The following FNBP1 variants were observed in gnomAD, a reference collection of about 807,000 sequenced individuals.
FNBP1 encodes formin binding protein 1.
FNBP1 carries 26 observed loss-of-function variants against 90.6 expected under a neutral mutation model. The observed-to-expected ratio is 0.29, with a 90% CI of 0.21 to 0.40. The LOEUF is 0.40. Ranked by LOEUF, FNBP1 falls within the 10% of genes least tolerant of loss-of-function variation. The probability of loss-of-function intolerance (pLI) is 1.00; values close to 1 mark genes in which losing one functional copy is unlikely to be tolerated. For synonymous variants in FNBP1, 260 were observed against 265.2 expected (o/e 0.98, Z 0.19); for missense variants, 635 against 768.0 (o/e 0.83, Z 2.05).
intron 1 of FNBP1, among the ~76,000 whole-genome samples, chr9:130,038,522 G>A (rs1194729997): frequency 6.8e-6 from 1 of 147,624 alleles, no homozygotes; most frequent in Non-Finnish European, 1.5e-5. Context: ...TCAGCCTCCC[G>A]AGTAGCTGGG....
intron 16 of FNBP1, among the ~76,000 whole-genome samples, chr9:129,892,140 A>G (rs1206630317): frequency 6.6e-6 from 1 of 152,192 alleles, no homozygotes; most frequent in Non-Finnish European, 1.5e-5. Context: ...GAGAACCCAT[A>G]AAACAAACAG....
At chr9:130,018,526 C>G (rs2131849965) in intron 1 of FNBP1, among the ~76,000 whole-genome samples, 1 of 152,026 alleles carries the variant, frequency 6.6e-6, no homozygotes, top group East Asian at 1.9e-4. Flanking sequence ...ACCAATAGTG[C>G]TGTAAATTTT....
At chr9:130,004,484 C>G (rs2055359880) in intron 1 of FNBP1, among the ~76,000 whole-genome samples, 3 of 152,136 alleles carry the variant, frequency 2.0e-5, no homozygotes, top group South Asian at 4.1e-4. Flanking sequence ...CTACTTTGGT[C>G]TGTGCTATCT....
intron 11 of FNBP1, among the ~76,000 whole-genome samples, chr9:129,915,317 T>G (rs1318393914): frequency 6.6e-6 from 1 of 152,136 alleles, no homozygotes; most frequent in Non-Finnish European, 1.5e-5. Flanking sequence ...TAATTTACTT[T>G]TATTCAAAAT....
chr9:130,019,236 G>A (rs1458580028), intron 1 of FNBP1, among the ~76,000 whole-genome samples: 2 of 151,408 alleles, frequency 1.3e-5, no homozygotes, highest in Non-Finnish European at 2.9e-5. Context: ...AGGAGACGGA[G>A]GTTGCAGTGA....
intron 6 of FNBP1, chr9:129,933,608 C>T (rs1223087850): frequency 2.0e-5 from 3 of 152,136 alleles, no homozygotes; most frequent in African/African-American, 7.2e-5. Context: ...AGAAAGTAAG[C>T]TGTGTAGAAG....
chr9:129,897,797 G>A (rs2036055321), intron 15 of FNBP1, among the ~76,000 whole-genome samples: 1 of 151,798 alleles, frequency 6.6e-6, no homozygotes, highest in African/African-American at 2.4e-5. Flanking sequence ...TCGTTTCAAG[G>A]TTCATTGGTT....
chr9:129,957,102 A>G lies in FNBP1; in HGVS notation c.513+258T>C, dbSNP rs1341252312. ...ACCCAGGCTGGAGTGCAGTGGCGTG[A>G]TCTTGGCTCACTGCAGCCAACGCCT... On this transcript the variant is annotated intron_variant, in intron 6 of 16. Transcript: ENST00000446176. The surrounding 1 kb of genome is among the most constrained non-coding windows in gnomAD (Gnocchi z 4.3). Among the ~76,000 whole-genome samples the G allele has an allele frequency of 6.7e-6, 1 of 148,934 alleles. No individual in the cohort carries two copies.
chr9:129,912,121 T>C (rs2131606061), intron 11 of FNBP1, among the ~76,000 whole-genome samples: 1 of 152,218 alleles, frequency 6.6e-6, no homozygotes, highest in Admixed American at 6.6e-5. Flanking sequence ...CCTTCAGGAC[T>C]GAGCCCTCAA....
At chr9:129,979,707 T>G (rs554545004) in intron 2 of FNBP1, among the ~76,000 whole-genome samples, 171 of 152,240 alleles carry the variant, frequency 1.1e-3, no homozygotes, top group African/African-American at 4.0e-3. Context: ...TAGCGTGATC[T>G]CAGCTCATTG....
At position 129,916,000 on chromosome 9, in the gene FNBP1, A is replaced by C; in HGVS notation, c.1171-20T>G. On this transcript the variant is annotated intron_variant, in intron 10 of 16. Coordinates refer to ENST00000446176, the MANE Select transcript of FNBP1 (RefSeq NM_015033.3). ...AGAAAGCTTCATGTAAAAATTGGAG[A>C]GGTATGGGAAAAATAGAGAGAAAGA... The C allele has an allele frequency of 1.3e-6, 2 of 1,585,152 alleles. No individual in the cohort carries two copies. Among genetic ancestry groups the C allele is most frequent in the Non-Finnish European group, 1.7e-6 (2 of 1,155,006 alleles).
chr9:129,890,097 C>T lies in FNBP1; in HGVS notation c.*442G>A, dbSNP rs1009605050. 1.1e-5 allele frequency: 3 copies of T among 282,776 alleles called. No homozygotes were observed. Among genetic ancestry groups the T allele is most frequent in the South Asian group, 1.8e-4 (2 of 10,968 alleles). The allele number at this position is 282,776 out of a possible 1,614,324, so 17.5% of individuals were successfully genotyped here. On this transcript the variant is annotated 3_prime_UTR_variant, in exon 17 of 17. Coordinates refer to ENST00000446176, the MANE Select transcript of FNBP1 (RefSeq NM_015033.3). The surrounding 1 kb of genome is among the most constrained non-coding windows in gnomAD (Gnocchi z 5.8). Reference sequence around the variant, plus strand: ...CGGATGACATCGACACGGATGACATCGAGTGCTCAGTCCGCCTGATGTGCG... The same window carrying T: ...CGGATGACATCGACACGGATGACATTGAGTGCTCAGTCCGCCTGATGTGCG...
chr9:129,896,443 G>A (rs558138587), intron 15 of FNBP1, among the ~76,000 whole-genome samples: 4 of 151,980 alleles, frequency 2.6e-5, no homozygotes, highest in South Asian at 2.1e-4. Flanking sequence ...GAGTGCTGTG[G>A]TGCAATCTCA....
intron 10 of FNBP1, 150 bp downstream of exon 10, chr9:129,923,694 T>C (rs1306133668): frequency 4.5e-6 from 4 of 884,816 alleles, no homozygotes; most frequent in Non-Finnish European, 6.2e-6. Context: ...CTTTTCTTTC[T>C]AGCTATAATG....
chr9:130,016,644 G>C (rs892902462), intron 1 of FNBP1, among the ~76,000 whole-genome samples: 2 of 152,190 alleles, frequency 1.3e-5, no homozygotes, highest in African/African-American at 2.4e-5. Context: ...TCAGGAGGCT[G>C]AGGCAGGAGA....
Position 129,957,241 on chromosome 9 carries a change from T to G in FNBP1, c.513+119A>C, listed in dbSNP as rs2047092036. On this transcript the variant is annotated intron_variant, in intron 6 of 16. Coordinates refer to ENST00000446176, the MANE Select transcript of FNBP1 (RefSeq NM_015033.3). This position sits in a 1 kb window ranked among gnomAD's most constrained non-coding sequence, Gnocchi z 4.3. ...TTCGTAGAGATGGGGTTTCACCATC[T>G]TGGCCAGGCTGGTCTCGAACTCCTG... 8.8e-6 allele frequency: 6 copies of G among 681,076 alleles called. No homozygotes were observed. The highest frequency in any genetic ancestry group is 2.7e-5 in the Admixed American group (1 of 37,556). 42.2% of individuals were successfully genotyped at this position (681,076 alleles called of 1,614,324 possible). A position where few individuals can be genotyped will look rare whatever the true frequency, so the allele number is the denominator to read the frequency against.
intron 11 of FNBP1, among the ~76,000 whole-genome samples, chr9:129,914,342 C>G (rs181432437): frequency 1.6e-4 from 24 of 152,122 alleles, no homozygotes; most frequent in Admixed American, 5.9e-4. Context: ...CCAGCCAGCG[C>G]TTCACTTCTT....
intron 1 of FNBP1, among the ~76,000 whole-genome samples, chr9:130,009,516 A>T (rs2056255170): frequency 6.6e-6 from 1 of 152,126 alleles, no homozygotes; most frequent in Non-Finnish European, 1.5e-5. Context: ...ACTAAAAAAA[A>T]AAATGGCTGG....
At chr9:130,053,389 G>C in the FNBP1 span, 1 of 154,108 alleles carries the variant, frequency 6.5e-6, no homozygotes, top group African/African-American at 2.4e-5. Context: ...ACAACAAAAG[G>C]CCTAACAAAT....
Sources: allele counts gnomAD v4.1 joint callset (sites outside exome capture counted in the v4.1 genomes callset), GRCh38; gene constraint gnomAD v4.1.1; non-coding constraint Gnocchi (gnomAD v3.1); transcripts MANE v1.5; gene names NCBI Gene and HGNC (gene_info 2026-07-23, HGNC 2026-07-21).